Variants in KIAA1217 observed in about 807,000 individuals in gnomAD.
KIAA1217 encodes the protein sickle tail protein homolog.
In KIAA1217, 88 loss-of-function variants were observed where a neutral mutation model predicts 163.9. That is an observed-to-expected ratio of 0.54 (90% CI 0.45 to 0.64). The LOEUF is 0.64. Ranked by LOEUF, KIAA1217 falls within the 30% of genes least tolerant of loss-of-function variation. KIAA1217 has a pLI of 0.00. For synonymous variants in KIAA1217, 903 were observed against 923.1 expected, an observed-to-expected ratio of 0.98 and a Z score of 0.39; for missense variants, 2,372 against 2,475.0, an observed-to-expected ratio of 0.96 and a Z score of 0.88.
intron 2 of KIAA1217, among the ~76,000 whole-genome samples, chr10:24,286,473 T>G (rs372185307): frequency 5.3e-5 from 8 of 149,670 alleles, no homozygotes; most frequent in African/African-American, 2.0e-4. Flanking sequence ...CACACACACA[T>G]ACACATACAC....
intron 1 of KIAA1217, among the ~76,000 whole-genome samples, chr10:23,792,132 A>G (rs1389633103): frequency 6.6e-6 from 1 of 152,222 alleles, no homozygotes; most frequent in Non-Finnish European, 1.5e-5. Flanking sequence ...GATATGTTTT[A>G]TCTTTGCAAG....
intron 4 of KIAA1217, among the ~76,000 whole-genome samples, chr10:24,434,673 C>T (rs1298762274): frequency 2.0e-5 from 3 of 152,192 alleles, no homozygotes; most frequent in African/African-American, 7.2e-5. Flanking sequence ...GTCATGTATA[C>T]AGTAGAAAGA....
chr10:24,494,479 A>G (rs1190358752), intron 6 of KIAA1217, 21 bp from the exon 7 acceptor site: 2 of 1,595,604 alleles, frequency 1.3e-6, no homozygotes, highest in African/African-American at 1.3e-5. Context: ...AGCTTTAACA[A>G]ACAATTCTCT....
intron 1 of KIAA1217, among the ~76,000 whole-genome samples, chr10:23,720,077 G>A (rs114822377): frequency 6.6e-6 from 1 of 151,836 alleles, no homozygotes; most frequent in Non-Finnish European, 1.5e-5. Context: ...AATTTAGTAT[G>A]ATGGAAATAT....
Position 24,544,979 on chromosome 10 carries a change from A to G in KIAA1217, c.5212-2A>G. On this transcript the variant is annotated splice_acceptor_variant, in intron 19 of 20. Transcript: ENST00000376454. LOFTEE classifies it high-confidence loss of function. Reference sequence around the variant, plus strand: ...TCCCCCTCTCACTGGTCCTTCCCACAGGGCTCCAGCGGGGCCCCACAGACG... The same window carrying G: ...TCCCCCTCTCACTGGTCCTTCCCACGGGGCTCCAGCGGGGCCCCACAGACG... 3 of 1,613,690 alleles carry G rather than the reference A, an allele frequency of 1.9e-6. No individual in the cohort carries two copies. The highest frequency in any genetic ancestry group is 1.7e-6 in the Non-Finnish European group (2 of 1,179,816).
At chr10:23,699,614 T>A (rs1291477698) in intron 1 of KIAA1217, among the ~76,000 whole-genome samples, 3 of 152,086 alleles carry the variant, frequency 2.0e-5, no homozygotes, top group Non-Finnish European at 4.4e-5. Flanking sequence ...GTCCAATACT[T>A]CCCTTTCTTT....
rs183491843 is a variant in KIAA1217 at position 23,860,084 on chromosome 10, C to A, written c.-320-147141C>A. ...ATTGATGTGCCCAAGCTAGTCCTGC[C>A]CCTCGTACGTTCTGATTTCCATGGC... is the stretch of plus-strand genomic sequence containing the variant. On this transcript the variant is annotated intron_variant, in intron 1 of 18. Transcript: ENST00000376462. Among the ~76,000 whole-genome samples the A allele has an allele frequency of 2.7e-4, 41 of 152,140 alleles. 1 individual carries two copies. The highest frequency in any genetic ancestry group is 7.5e-4 in the African/African-American group (31 of 41,500).
At chr10:23,854,397 G>C (rs1424454605) in intron 1 of KIAA1217, among the ~76,000 whole-genome samples, 1 of 152,198 alleles carries the variant, frequency 6.6e-6, no homozygotes, top group Non-Finnish European at 1.5e-5. Flanking sequence ...TATAATTTCT[G>C]TTCTTTTACA....
chr10:23,993,110 C>G (rs1288415137), intron 1 of KIAA1217, among the ~76,000 whole-genome samples: 1 of 145,968 alleles, frequency 6.9e-6, no homozygotes, highest in African/African-American at 2.5e-5. Flanking sequence ...CGGCTCACTG[C>G]AACTTCTGCC....
At chr10:24,075,082 T>C (rs1291979239) in intron 2 of KIAA1217, among the ~76,000 whole-genome samples, 7 of 150,338 alleles carry the variant, frequency 4.7e-5, no homozygotes, top group Non-Finnish European at 1.0e-4. Flanking sequence ...TCTTGCAGGA[T>C]CAAGAAAGCT....
chr10:24,425,896 A>G (rs1270809218), intron 3 of KIAA1217, among the ~76,000 whole-genome samples: 1 of 152,236 alleles, frequency 6.6e-6, no homozygotes, highest in East Asian at 1.9e-4. Context: ...TATTTATTGT[A>G]TCAACCTTTG....
At chr10:23,773,666 A>G (rs185064706) in intron 1 of KIAA1217, among the ~76,000 whole-genome samples, 1 of 152,216 alleles carries the variant, frequency 6.6e-6, no homozygotes, top group African/African-American at 2.4e-5. Context: ...TTCTCCTTGA[A>G]GAGGTCCTTC....
Position 24,543,408 on chromosome 10 carries a change from A to G in KIAA1217, c.4138A>G (p.Thr1380Ala), listed in dbSNP as rs1319703658. 3 of 1,614,208 alleles carry G rather than the reference A, an allele frequency of 1.9e-6. No homozygotes were observed. The highest frequency in any genetic ancestry group is 1.1e-5 in the South Asian group (1 of 91,080). The change falls in exon 19 of 21, where the codon ACT (threonine) becomes GCT (alanine). Residue 1380 changes from threonine (T) to alanine (A), a missense_variant. Coordinates refer to ENST00000376454, the MANE Select transcript of KIAA1217 (RefSeq NM_019590.5). ...SSSPTEENAA[T>A]DNIAFMITET... ...TTCTCCCACTGAAGAAAATGCAGCC[A>G]CTGACAATATTGCCTTCATGATTAC... is the stretch of plus-strand genomic sequence containing the variant.
At chr10:23,971,192 G>C (rs1845301569) in intron 1 of KIAA1217, among the ~76,000 whole-genome samples, 1 of 152,088 alleles carries the variant, frequency 6.6e-6, no homozygotes, top group Admixed American at 6.5e-5. Flanking sequence ...TGTTTATGAG[G>C]TTGTACACAT....
chr10:24,174,231 A>G (rs1321841864), intron 2 of KIAA1217, among the ~76,000 whole-genome samples: 2 of 152,194 alleles, frequency 1.3e-5, no homozygotes, highest in African/African-American at 2.4e-5. Context: ...TGACTCAGAG[A>G]CCACAAATGC....
chr10:23,767,560 A>T (rs1441073267), intron 1 of KIAA1217, among the ~76,000 whole-genome samples: 1 of 152,150 alleles, frequency 6.6e-6, no homozygotes, highest in Non-Finnish European at 1.5e-5. Context: ...ACATAGTGAG[A>T]GCCCATCTCA....
At chr10:23,817,776 A>G (rs1376710036) in intron 1 of KIAA1217, among the ~76,000 whole-genome samples, 1 of 151,312 alleles carries the variant, frequency 6.6e-6, no homozygotes, top group East Asian at 1.9e-4. Flanking sequence ...TTTTTGGATG[A>G]CAGTAATGCA....
chr10:23,821,557 G>A (rs1279595122), intron 1 of KIAA1217, among the ~76,000 whole-genome samples: 1 of 152,138 alleles, frequency 6.6e-6, no homozygotes, highest in Non-Finnish European at 1.5e-5. Context: ...AGGAAGCAGG[G>A]CCTTTCCCAC....
At chr10:24,146,878 A>C (rs990461903) in intron 2 of KIAA1217, among the ~76,000 whole-genome samples, 4 of 152,122 alleles carry the variant, frequency 2.6e-5, no homozygotes, top group African/African-American at 9.7e-5. Flanking sequence ...TCAAAGAGAA[A>C]GTGTCTTGGA....
Sources: gnomAD v4.1 joint callset for allele counts (sites outside exome capture counted in the v4.1 genomes callset) on GRCh38, gnomAD v4.1.1 for gene constraint, MANE v1.5 for transcripts, NCBI Gene and HGNC (gene_info 2026-07-23, HGNC 2026-07-21) for gene names.